The following KAT2B variants were observed in gnomAD, a reference collection of about 807,000 sequenced individuals.
KAT2B encodes histone acetyltransferase KAT2B.
KAT2B carries 36 observed loss-of-function variants against 105.9 expected under a neutral mutation model. The ratio of observed to expected loss-of-function variants is 0.34; its 90% CI spans 0.26 to 0.45. The LOEUF is 0.45. Ranked by LOEUF, KAT2B falls within the 20% of genes least tolerant of loss-of-function variation. The pLI is 1.00. For missense variants in KAT2B, 820 were observed against 1,021.6 expected (o/e 0.80, Z 2.69); for synonymous variants, 397 against 377.9 (o/e 1.05, Z -0.59).
rs190957263 is a variant in KAT2B at position 20,068,530 on chromosome 3, C to T, written c.304-3803C>T. 2.6e-3 allele frequency among the ~76,000 whole-genome samples: 393 copies of T among 151,810 alleles called. 1 individual carries two copies. The highest frequency in any genetic ancestry group is 8.0e-3 in the African/African-American group (331 of 41,342). On this transcript the variant is annotated intron_variant, in intron 1 of 17. Coordinates refer to ENST00000263754, the MANE Select transcript of KAT2B (RefSeq NM_003884.5). ...CACCCTCTGCTAAGTTCCCTGTACT[C>T]ATCCTTTTTTCTTTCTTTCCATAGC...
intron 2 of KAT2B, among the ~76,000 whole-genome samples, chr3:20,094,573 AT>A (rs1394422322): frequency 6.6e-6 from 1 of 152,190 alleles, no homozygotes; most frequent in African/African-American, 2.4e-5. Flanking sequence ...TCACAAAGGG[AT>A]GAGTGAGGAG....
At chr3:20,144,465 AT>A (rs1325217879) in intron 13 of KAT2B, among the ~76,000 whole-genome samples, 8 of 149,900 alleles carry the variant, frequency 5.3e-5, no homozygotes, top group African/African-American at 2.0e-4. Flanking sequence ...ATTTTTTGTA[AT>A]TTTTAGTAGA....
chr3:20,063,441 C>CTTTT (rs1378907780), intron 1 of KAT2B, among the ~76,000 whole-genome samples: 2 of 143,236 alleles, frequency 1.4e-5, no homozygotes, highest in East Asian at 2.0e-4. Flanking sequence ...TTCTTTCTTT[C>CTTTT]TTTTTTTTTC....
chr3:20,132,260 G>A (rs182234333), intron 11 of KAT2B, among the ~76,000 whole-genome samples: 1 of 152,234 alleles, frequency 6.6e-6, no homozygotes, highest in East Asian at 1.9e-4. Context: ...TGTAATCCCA[G>A]CTACTCAGAG....
chr3:20,084,221 T>C (rs903248484), intron 2 of KAT2B, among the ~76,000 whole-genome samples: 2 of 152,200 alleles, frequency 1.3e-5, no homozygotes, highest in African/African-American at 4.8e-5. Flanking sequence ...GATAACAACT[T>C]GTCTGGACCT....
At chr3:20,149,325 T>G (rs1699828498) in intron 17 of KAT2B, among the ~76,000 whole-genome samples, 1 of 151,368 alleles carries the variant, frequency 6.6e-6, no homozygotes. Flanking sequence ...AGTGAGACCC[T>G]GTCTCTACAA....
chr3:20,043,444 G>A (rs184036597), intron 1 of KAT2B, among the ~76,000 whole-genome samples: 2 of 152,244 alleles, frequency 1.3e-5, no homozygotes, highest in African/African-American at 4.8e-5. Context: ...GAGTAGTTGC[G>A]GACCCAGAGC....
chr3:20,044,634 A>G (rs1188042376), intron 1 of KAT2B, among the ~76,000 whole-genome samples: 1 of 151,988 alleles, frequency 6.6e-6, no homozygotes, highest in Non-Finnish European at 1.5e-5. Context: ...GTTCACTGGG[A>G]CTGGAAGCTC....
chr3:20,111,729 C>A lies in KAT2B; in HGVS notation c.985C>A (p.Gln329Lys). 1.2e-6 allele frequency: 2 copies of A among 1,613,994 alleles called. No individual in the cohort carries two copies. The highest frequency in any genetic ancestry group is 1.7e-6 in the Non-Finnish European group (2 of 1,179,952). Residue 329 changes from glutamine to lysine, a missense_variant, in exon 6 of 18, where the codon CAG (glutamine) becomes AAG (lysine). Gln to Lys is a moderately conservative substitution (Grantham distance 53). Transcript: ENST00000263754. ...GCGACAACTCCTGGAACAAGCAAGA[C>A]AGGAAAAAGATAAACTGCCTCTTGA... ...MRRQLLEQARQEKDKLPLEKR... is the reference protein window; with the variant it reads ...MRRQLLEQARKEKDKLPLEKR...
chr3:20,089,955 C>A (rs966311261), intron 2 of KAT2B, among the ~76,000 whole-genome samples: 4 of 147,686 alleles, frequency 2.7e-5, no homozygotes, highest in Non-Finnish European at 4.5e-5. Context: ...ACAGCTTGGA[C>A]AACATAGTGA....
chr3:20,150,559 A>C (rs1434561633), intron 17 of KAT2B, among the ~76,000 whole-genome samples: 1 of 152,154 alleles, frequency 6.6e-6, no homozygotes, highest in East Asian at 1.9e-4. Flanking sequence ...AAGGACATGA[A>C]AACTGAATAA....
chr3:20,126,190 G>A, intron 10 of KAT2B, 77 bp downstream of exon 10: 4 of 1,248,912 alleles, frequency 3.2e-6, no homozygotes, highest in Admixed American at 2.0e-5. Flanking sequence ...GTGAAAGTCA[G>A]CCATAGTCAT....
chr3:20,066,777 T>C (rs902898222), intron 1 of KAT2B, among the ~76,000 whole-genome samples: 2 of 151,962 alleles, frequency 1.3e-5, no homozygotes, highest in African/African-American at 2.4e-5. Context: ...AAGCCAAAAA[T>C]TTAATTTTAT....
At chr3:20,119,032 G>A (rs966342665) in intron 7 of KAT2B, among the ~76,000 whole-genome samples, 2 of 151,938 alleles carry the variant, frequency 1.3e-5, no homozygotes, top group African/African-American at 2.4e-5. Flanking sequence ...GCATCAGGAG[G>A]CATATGATGT....
rs547877526 is a variant in KAT2B, at chr3:20,152,969, A to G, written c.*444A>G. On this transcript the variant is annotated 3_prime_UTR_variant, in exon 18 of 18. Transcript: ENST00000263754. ...CTGAAGGACTTTAAGGAAGGGATAC[A>G]TGATTTTAAAAAAGCCTGTAAGAGG... The G allele has an allele frequency of 6.5e-6, 1 of 153,590 alleles. No individual in the cohort carries two copies. The highest frequency in any genetic ancestry group is 2.0e-4 in the South Asian group (1 of 4,886). 9.5% of individuals were successfully genotyped at this position (153,590 alleles called of 1,614,324 possible). A position where few individuals can be genotyped will look rare whatever the true frequency, so the allele number is the denominator to read the frequency against.
intron 2 of KAT2B, among the ~76,000 whole-genome samples, chr3:20,088,313 G>T (rs1698656284): frequency 6.6e-6 from 1 of 152,090 alleles, no homozygotes; most frequent in African/African-American, 2.4e-5. Context: ...TTCTGTTTTG[G>T]ATTTTTTGAG....
chr3:20,066,632 CAT>C (rs1432223842), intron 1 of KAT2B, among the ~76,000 whole-genome samples: 1 of 151,858 alleles, frequency 6.6e-6, no homozygotes, highest in East Asian at 1.9e-4. Flanking sequence ...CTCCTGACCT[CAT>C]GTGTGATCCT....
At chr3:20,089,476 C>T (rs1698677150) in intron 2 of KAT2B, among the ~76,000 whole-genome samples, 1 of 150,370 alleles carries the variant, frequency 6.7e-6, no homozygotes, top group South Asian at 2.1e-4. Flanking sequence ...TCTCAGCTCA[C>T]TGCAACCTCT....
In KAT2B at chr3:20,095,398, A is replaced by G. The variant is rs192747064; in HGVS notation, c.566A>G (p.Tyr189Cys). 321 of 1,588,472 alleles carry G rather than the reference A, an allele frequency of 2.0e-4. No homozygotes were observed. Among genetic ancestry groups the G allele is most frequent in the Admixed American group, 5.0e-4 (30 of 59,428 alleles). ...EDADTKQVYF[Y>C]LFKLLRKSIL... ...GCAGATACCAAACAAGTTTATTTCT[A>G]TCTATTTAAGGTGAGATTTTAACAT... Residue 189 changes from tyrosine (Y) to cysteine (C), a missense_variant, in exon 3 of 18, where the codon TAT (tyrosine) becomes TGT (cysteine). By Grantham distance (194) the Tyr-to-Cys change is radical (BLOSUM62 -2). This residue lies in a region of KAT2B where 173 missense variants were observed against 249.5 expected (regional missense o/e 0.69). Transcript: ENST00000263754.
Sources: gnomAD v4.1 joint callset for allele counts (sites outside exome capture counted in the v4.1 genomes callset) on GRCh38, gnomAD v4.1.1 for gene constraint, gnomAD v4.1.1 regional missense constraint, MANE v1.5 for transcripts, NCBI Gene and HGNC (gene_info 2026-07-23, HGNC 2026-07-21) for gene names.